The following DNAH6 variants were observed in gnomAD, a reference collection of about 807,000 sequenced individuals.
The protein encoded by DNAH6 is dynein axonemal heavy chain 6, also known as axonemal beta dynein heavy chain 6.
DNAH6 carries 340 observed loss-of-function variants against 491.4 expected under a neutral mutation model. The observed-to-expected ratio is 0.69, with a 90% CI of 0.63 to 0.76. The LOEUF (loss-of-function observed/expected upper bound fraction) is 0.76. Ranked by LOEUF, DNAH6 falls within the 30% of genes least tolerant of loss-of-function variation. DNAH6 has a pLI of 0.00. For missense variants in DNAH6, 4,443 were observed against 4,972.2 expected (o/e 0.89, Z 3.20); for synonymous variants, 1,603 against 1,686.1 (o/e 0.95, Z 1.21).
the DNAH6 span, among the ~76,000 whole-genome samples, chr2:84,461,803 C>G: frequency 1.3e-5 from 2 of 152,060 alleles, no homozygotes; most frequent in African/African-American, 2.4e-5. Context: ...GTCTAAAGCT[C>G]TAAAGCTGAA....
chr2:84,670,392 T>G lies in DNAH6; in HGVS notation c.6371T>G (p.Leu2124Arg). Reference protein sequence around the residue: ...QESAGYVPVYLNFSAQTSSAR... With the variant: ...QESAGYVPVYRNFSAQTSSAR... ...TCAGCTGGCTATGTCCCTGTTTATC[T>G]AAATTTTTCTGCTCAAACTTCATCT... The change falls in exon 39 of 77, where the codon CTA becomes CGA. Residue 2124 changes from leucine to arginine, a missense_variant. Leu to Arg is a moderately radical substitution (Grantham distance 102, BLOSUM62 -2). Coordinates refer to ENST00000389394, the MANE Select transcript of DNAH6 (RefSeq NM_001370.2). 2.6e-6 allele frequency: 4 copies of G among 1,546,140 alleles called. No individual in the cohort carries two copies. Among genetic ancestry groups the G allele is most frequent in the Non-Finnish European group, 3.5e-6 (4 of 1,143,202 alleles).
upstream of DNAH6, among the ~76,000 whole-genome samples, chr2:84,514,867 TCACACACACACACA>T (rs58335460): frequency 1.4e-5 from 2 of 139,006 alleles, no homozygotes; most frequent in African/African-American, 2.8e-5. Context: ...TTCACCACAG[TCACACACACACACA>T]CACACACACA....
chr2:84,724,502 A>G (rs1187565475), intron 60 of DNAH6, among the ~76,000 whole-genome samples: 1 of 152,198 alleles, frequency 6.6e-6, no homozygotes, highest in Non-Finnish European at 1.5e-5. Flanking sequence ...ATCCACTTAC[A>G]TTCCCAAGAC....
At chr2:84,683,157 G>A (rs188305359) in intron 42 of DNAH6, among the ~76,000 whole-genome samples, 198 of 152,064 alleles carry the variant, frequency 1.3e-3, no homozygotes, top group African/African-American at 4.5e-3. Context: ...TAATCATATC[G>A]CACATATTTC....
chr2:84,617,101 G>C (rs545912685), intron 23 of DNAH6, 119 bp downstream of exon 23: 1 of 581,746 alleles, frequency 1.7e-6, no homozygotes, highest in East Asian at 3.5e-5. Flanking sequence ...AAAGATCTAC[G>C]ATAATGAAAA....
chr2:84,599,024 A>G (rs955059873), intron 18 of DNAH6, among the ~76,000 whole-genome samples: 23 of 59,810 alleles, frequency 3.8e-4, no homozygotes, highest in Non-Finnish European at 6.3e-4. Context: ...AGTGAGACTC[A>G]GTTTCAAAAA....
intron 72 of DNAH6, among the ~76,000 whole-genome samples, chr2:84,810,467 G>T (rs1679865467): frequency 6.6e-6 from 1 of 152,216 alleles, no homozygotes; most frequent in East Asian, 1.9e-4. Flanking sequence ...CAGGTGACCT[G>T]CAGGGCCATC....
chr2:84,632,625 A>G lies in DNAH6; in HGVS notation c.4516-1879A>G, dbSNP rs1469911736. On this transcript the variant is annotated intron_variant, in intron 29 of 76. Transcript: ENST00000389394. The stretch of plus-strand genomic sequence containing the variant: ...AGTATGAAGACCATTCCTCTACAAT[A>G]TGGAAGCATTCTGCAGCTTTGTTGT... 3.3e-5 allele frequency among the ~76,000 whole-genome samples: 5 copies of G among 152,300 alleles called. No homozygotes were observed. The East Asian group carries it at 5.8e-4, about 18-fold the overall frequency.
Position 84,517,973 on chromosome 2 carries a change from A to G in DNAH6, c.147A>G (p.Gln49=), listed in dbSNP as rs1017515110. The G allele has an allele frequency of 6.4e-7, 1 of 1,552,098 alleles. No homozygotes were observed. The highest frequency in any genetic ancestry group is 1.2e-5 in the South Asian group (1 of 84,062). Residue 49 remains glutamine, a synonymous_variant, in exon 2 of 77, where the codon CAA becomes CAG. Transcript: ENST00000389394. ...VTSTENESDT[Q]ILTFRHITKA... ...CCACAGAAAATGAATCTGATACACA[A>G]ATCCTAACGTTTAGGCACATTACAA...
intron 59 of DNAH6, among the ~76,000 whole-genome samples, chr2:84,719,345 A>G (rs958496061): frequency 6.6e-6 from 1 of 151,914 alleles, no homozygotes; most frequent in African/African-American, 2.4e-5. Flanking sequence ...TAACCCACTT[A>G]TTTTTATTTT....
At chr2:84,572,165 C>G (rs1004603212) in intron 11 of DNAH6, among the ~76,000 whole-genome samples, 1 of 151,954 alleles carries the variant, frequency 6.6e-6, no homozygotes, top group East Asian at 1.9e-4. Flanking sequence ...GTAAGTAACC[C>G]CTGAAATATT....
At chr2:84,614,733 G>A (rs913471404) in intron 22 of DNAH6, among the ~76,000 whole-genome samples, 1 of 152,002 alleles carries the variant, frequency 6.6e-6, no homozygotes, top group African/African-American at 2.4e-5. Flanking sequence ...GCAGGGGTAG[G>A]GTGGTATCGC....
chr2:84,676,575 A>C (rs1437447584), intron 40 of DNAH6, among the ~76,000 whole-genome samples: 1 of 152,250 alleles, frequency 6.6e-6, no homozygotes, highest in Non-Finnish European at 1.5e-5. Flanking sequence ...CAAAAATGTC[A>C]TCACCAGAGA....
At chr2:84,740,996 T>G (rs1345065026) in intron 62 of DNAH6, among the ~76,000 whole-genome samples, 1 of 152,156 alleles carries the variant, frequency 6.6e-6, no homozygotes, top group Non-Finnish European at 1.5e-5. Flanking sequence ...AAACAATGGC[T>G]CTAACCTCTC....
At chr2:84,647,840 T>C (rs7593359) in intron 33 of DNAH6, among the ~76,000 whole-genome samples, 27,916 of 152,188 alleles carry the variant, frequency 0.18, 4,929 homozygotes, top group African/African-American at 0.46. Flanking sequence ...GTGGTATTTC[T>C]GCTTACAAAA....
At chr2:84,558,191 A>G (rs1680252660) in intron 11 of DNAH6, among the ~76,000 whole-genome samples, 1 of 151,898 alleles carries the variant, frequency 6.6e-6, no homozygotes, top group South Asian at 2.1e-4. Context: ...ACTTTGGGAG[A>G]CCGAGGCGGG....
the DNAH6 span, among the ~76,000 whole-genome samples, chr2:84,473,272 G>T: frequency 6.6e-6 from 1 of 152,294 alleles, no homozygotes; most frequent in Middle Eastern, 3.4e-3. Context: ...TTAGTTAATG[G>T]AACTATAATC....
intron 45 of DNAH6, among the ~76,000 whole-genome samples, chr2:84,693,527 AG>A (rs1695080036): frequency 6.6e-6 from 1 of 152,110 alleles, no homozygotes; most frequent in African/African-American, 2.4e-5. Context: ...GCGAATCATG[AG>A]ATCAGGAGAT....
At chr2:84,558,049 T>A (rs1170412981) in intron 11 of DNAH6, 114 bp downstream of exon 11, 1 of 635,478 alleles carries the variant, frequency 1.6e-6, no homozygotes, top group Non-Finnish European at 2.5e-6. Flanking sequence ...AATTGGCATA[T>A]GCCTAAATCT....
Sources: allele counts gnomAD v4.1 joint callset (sites outside exome capture counted in the v4.1 genomes callset), GRCh38; gene constraint gnomAD v4.1.1; transcripts MANE v1.5; gene names NCBI Gene and HGNC (gene_info 2026-07-23, HGNC 2026-07-21).